UPF3A: variants seen among roughly 807,000 people sequenced by gnomAD.
UPF3A encodes UPF3A regulator of nonsense mediated mRNA decay, also known as regulator of nonsense transcripts 3A.
In UPF3A, 42 loss-of-function variants were observed where a neutral mutation model predicts 53.5. That is an observed-to-expected ratio of 0.78 (90% CI 0.61 to 1.01). UPF3A has a LOEUF of 1.01. Ranked by LOEUF, UPF3A falls within the 50% of genes least tolerant of loss-of-function variation. The probability of loss-of-function intolerance (pLI) is 0.00; values close to 1 mark genes in which losing one functional copy is unlikely to be tolerated. For synonymous variants in UPF3A, 237 were observed against 225.3 expected (o/e 1.05, Z -0.47); for missense variants, 575 against 598.0 (o/e 0.96, Z 0.40).
At chr13:114,287,955 C>T (rs984513303) in intron 5 of UPF3A, among the ~76,000 whole-genome samples, 3 of 152,060 alleles carry the variant, frequency 2.0e-5, no homozygotes, top group Non-Finnish European at 2.9e-5. Context: ...TACAGGCACC[C>T]GCCATCATGC....
At position 114,282,156 on chromosome 13, in the gene UPF3A, A is replaced by G. The variant is rs753952019; in HGVS notation, c.314+29A>G. On this transcript the variant is annotated intron_variant, in intron 2 of 9. Coordinates refer to ENST00000375299, the MANE Select transcript of UPF3A (RefSeq NM_023011.4). Reference sequence around the variant, plus strand: ...AGGCCCGCCCCGAGGGGAGGAAGAGAGGGCGGAACCCAGAGCTCGGCGGCG... The same window carrying G: ...AGGCCCGCCCCGAGGGGAGGAAGAGGGGGCGGAACCCAGAGCTCGGCGGCG... The G allele has an allele frequency of 2.6e-6, 4 of 1,522,850 alleles. No homozygotes were observed. In the South Asian group the frequency reaches 4.8e-5, roughly 18 times the overall value. The allele number at this position is 1,522,850 out of a possible 1,614,324, so 94.3% of individuals were successfully genotyped here.
At chr13:114,284,249 C>G (rs1264620992) in intron 3 of UPF3A, 1 of 181,088 alleles carries the variant, frequency 5.5e-6, no homozygotes, top group African/African-American at 2.4e-5. Flanking sequence ...GTAGTCCCAG[C>G]TACTCGGAAG....
intron 5 of UPF3A, among the ~76,000 whole-genome samples, chr13:114,289,567 C>T (rs2085077079): frequency 2.0e-5 from 3 of 151,674 alleles, no homozygotes; most frequent in Admixed American, 2.0e-4. Flanking sequence ...TGGCAGATTA[C>T]CTTTTTCTTT....
At position 114,291,620 on chromosome 13, in the gene UPF3A, T is replaced by C. The variant is rs1449115356; in HGVS notation, c.688-14T>C. ...ATCCAGGCAGTTTATACACACGCTCTTCCATGTCTTTAGAGAATTCGAGAA... is the reference window on the plus strand; with the variant it reads ...ATCCAGGCAGTTTATACACACGCTCCTCCATGTCTTTAGAGAATTCGAGAA... On this transcript the variant is annotated splice_polypyrimidine_tract_variant and intron_variant, in intron 6 of 9. Transcript: ENST00000375299. The C allele has an allele frequency of 6.2e-7, 1 of 1,605,090 alleles. No homozygotes were observed. The highest frequency in any genetic ancestry group is 8.5e-7 in the Non-Finnish European group (1 of 1,177,912).
Position 114,305,468 on chromosome 13 carries a change from C to A in UPF3A, c.*551C>A, listed in dbSNP as rs2086939657. On this transcript the variant is annotated 3_prime_UTR_variant, in exon 10 of 10. Coordinates refer to ENST00000375299, the MANE Select transcript of UPF3A (RefSeq NM_023011.4). ...ATCAGAGTTCACACTATATAAAACC[C>A]AACAGCTTCAACTATTGCCCTTTCA... 6.2e-6 allele frequency: 1 copy of A among 162,212 alleles called. No homozygotes were observed. Among genetic ancestry groups the A allele is most frequent in the Non-Finnish European group, 1.4e-5 (1 of 73,242 alleles). 10.0% of individuals were successfully genotyped at this position (162,212 alleles called of 1,614,324 possible). A position where few individuals can be genotyped will look rare whatever the true frequency, so the allele number is the denominator to read the frequency against.
chr13:114,281,628 G>T lies in UPF3A; in HGVS notation c.-12G>T. On this transcript the variant is annotated 5_prime_UTR_variant, in exon 1 of 10. Transcript: ENST00000375299. ...CGGGGGCTGGCGGCTGCGGCTCGGCGGAGAGTGCGGCATGCGCTCGGAAAA... is the reference window on the plus strand; with the variant it reads ...CGGGGGCTGGCGGCTGCGGCTCGGCTGAGAGTGCGGCATGCGCTCGGAAAA... 2 of 1,427,930 alleles carry T rather than the reference G, an allele frequency of 1.4e-6. No individual in the cohort carries two copies. Among genetic ancestry groups the T allele is most frequent in the African/African-American group, 1.5e-5 (1 of 66,962 alleles). 88.5% of individuals were successfully genotyped at this position (1,427,930 alleles called of 1,614,324 possible).
intron 5 of UPF3A, among the ~76,000 whole-genome samples, chr13:114,289,282 T>C (rs934859852): frequency 4.6e-5 from 7 of 152,096 alleles, no homozygotes; most frequent in Non-Finnish European, 1.0e-4. Context: ...TCCCAGCATT[T>C]TAGGAGGCTG....
chr13:114,286,735 A>AT, intron 5 of UPF3A, 106 bp downstream of exon 5: 2 of 841,532 alleles, frequency 2.4e-6, no homozygotes, highest in Non-Finnish European at 3.6e-6. Context: ...GAAACTTGTT[A>AT]CAGGCTTGAC....
At chr13:114,298,016 A>G (rs2086219953) in intron 7 of UPF3A, among the ~76,000 whole-genome samples, 1 of 151,842 alleles carries the variant, frequency 6.6e-6, no homozygotes, top group East Asian at 1.9e-4. Flanking sequence ...TCAAAAAAGG[A>G]AATAATCACT....
intron 9 of UPF3A, among the ~76,000 whole-genome samples, chr13:114,304,231 C>A (rs2086843708): frequency 6.6e-6 from 1 of 152,238 alleles, no homozygotes; most frequent in African/African-American, 2.4e-5. Flanking sequence ...TGACACTAGC[C>A]TTCAGGGCCA....
At chr13:114,295,436 C>CTCCCCAGCTCGTCTCCAGCGGCTCTGGCG (rs2085852564) in intron 7 of UPF3A, among the ~76,000 whole-genome samples, 1 of 113,430 alleles carries the variant, frequency 8.8e-6, no homozygotes, top group African/African-American at 3.8e-5. Context: ...CGGCTCTGGC[C>CTCCCCAGCTCGTCTCCAGCGGCTCTGGCG]TGCTGGTTTC....
chr13:114,305,602 CAG>C lies in UPF3A; in HGVS notation c.*687_*688del, dbSNP rs1566781971. The C allele has an allele frequency of 6.5e-6, 1 of 153,016 alleles. No homozygotes were observed. The highest frequency in any genetic ancestry group is 1.5e-5 in the Non-Finnish European group (1 of 68,414). The allele number at this position is 153,016 out of a possible 1,614,324, so 9.5% of individuals were successfully genotyped here. On this transcript the variant is annotated 3_prime_UTR_variant, in exon 10 of 10. Transcript: ENST00000375299. Reference sequence around the variant, plus strand: ...ATGGTTTAAGAATTTGCCCAAATAACAGAAATTTTGTTCGGGAAGGGATAAAC... The same window carrying C: ...ATGGTTTAAGAATTTGCCCAAATAACAAATTTTGTTCGGGAAGGGATAAAC...
At chr13:114,284,930 G>A (rs1447927494) in intron 3 of UPF3A, 1 of 152,312 alleles carries the variant, frequency 6.6e-6, no homozygotes, top group African/African-American at 2.4e-5. Context: ...CTGGGCTACA[G>A]GCGTGAGCCG....
intron 8 of UPF3A, among the ~76,000 whole-genome samples, chr13:114,300,639 G>A (rs1161309292): frequency 2.0e-5 from 3 of 151,714 alleles, no homozygotes; most frequent in Admixed American, 6.6e-5. Flanking sequence ...TCCTGGGTTC[G>A]TGCAATTCTC....
intron 8 of UPF3A, 101 bp downstream of exon 8, chr13:114,299,101 A>G: frequency 7.9e-7 from 1 of 1,266,900 alleles, no homozygotes; most frequent in Non-Finnish European, 1.0e-6. Context: ...CTTGGAATCC[A>G]AGACTTTCCA....
At chr13:114,295,249 C>T (rs1194065587) in intron 7 of UPF3A, among the ~76,000 whole-genome samples, 1 of 152,204 alleles carries the variant, frequency 6.6e-6, no homozygotes, top group African/African-American at 2.4e-5. Flanking sequence ...GGAGGGAGCA[C>T]AGCTGCCCAT....
chr13:114,299,519 C>T (rs924363111), intron 8 of UPF3A, among the ~76,000 whole-genome samples: 1 of 152,244 alleles, frequency 6.6e-6, no homozygotes. Flanking sequence ...CCTGGCTCCT[C>T]TGGCTGTGGA....
chr13:114,285,035 C>T (rs1182764841), intron 3 of UPF3A: 1 of 152,190 alleles, frequency 6.6e-6, no homozygotes, highest in Non-Finnish European at 1.5e-5. Context: ...GGAGCTTTTC[C>T]CCTGTGTTTT....
intron 2 of UPF3A, chr13:114,282,454 C>T (rs1348555725): frequency 2.0e-6 from 2 of 985,274 alleles, no homozygotes; most frequent in African/African-American, 3.5e-5. Context: ...CGCTGCGGGG[C>T]CGGGGGGCGC....
Sources: allele counts gnomAD v4.1 joint callset (sites outside exome capture counted in the v4.1 genomes callset), GRCh38; gene constraint gnomAD v4.1.1; transcripts MANE v1.5; gene names NCBI Gene and HGNC (gene_info 2026-07-23, HGNC 2026-07-21).